The following LGSN variants were observed in gnomAD, a reference collection of about 807,000 sequenced individuals.
LGSN encodes lengsin, lens protein with glutamine synthetase domain, also known as lengsin.
A neutral mutation model predicts 19.5 loss-of-function variants in LGSN; 21 were observed. The observed-to-expected ratio is 1.07, with a 90% CI of 0.76 to 1.55. The LOEUF is 1.55. Ranked by LOEUF, LGSN falls within the 40% of genes most tolerant of loss-of-function variation. The probability of loss-of-function intolerance (pLI) is 0.00; values close to 1 mark genes in which losing one functional copy is unlikely to be tolerated. For missense variants in LGSN, 673 were observed against 608.5 expected (o/e 1.11, Z -1.12); for synonymous variants, 257 against 215.6 (o/e 1.19, Z -1.68).
the LGSN span, among the ~76,000 whole-genome samples, chr6:63,527,594 T>C: frequency 6.6e-6 from 1 of 152,208 alleles, no homozygotes; most frequent in Non-Finnish European, 1.5e-5. Flanking sequence ...TCCCATACAT[T>C]AACTATTTAA....
chr6:63,383,895 G>A, the LGSN span, among the ~76,000 whole-genome samples: 1 of 152,082 alleles, frequency 6.6e-6, no homozygotes, highest in Non-Finnish European at 1.5e-5. Flanking sequence ...TATTTATTGA[G>A]CCACCCTTTC....
upstream of LGSN, among the ~76,000 whole-genome samples, chr6:63,323,248 C>A (rs527622516): frequency 6.6e-6 from 1 of 152,156 alleles, no homozygotes; most frequent in East Asian, 1.9e-4. Flanking sequence ...GAATACATTT[C>A]TTTTTATTTG....
the LGSN span, among the ~76,000 whole-genome samples, chr6:63,380,004 A>C: frequency 6.6e-6 from 1 of 151,806 alleles, no homozygotes; most frequent in African/African-American, 2.4e-5. Context: ...CACCCAGCTA[A>C]TTTTTTGTAT....
At chr6:63,286,636 T>C (rs956096694) in intron 2 of LGSN, among the ~76,000 whole-genome samples, 1 of 152,166 alleles carries the variant, frequency 6.6e-6, no homozygotes, top group African/African-American at 2.4e-5. Flanking sequence ...ACAAATTAAA[T>C]TAATATGTCT....
chr6:63,410,307 C>T, the LGSN span, among the ~76,000 whole-genome samples: 2 of 151,978 alleles, frequency 1.3e-5, no homozygotes, highest in Non-Finnish European at 1.5e-5. Flanking sequence ...ACATATTAGT[C>T]AAAATGTTTT....
chr6:63,487,325 T>C, the LGSN span, among the ~76,000 whole-genome samples: 26 of 152,304 alleles, frequency 1.7e-4, no homozygotes, highest in African/African-American at 4.6e-4. Flanking sequence ...GAAAGAGATA[T>C]TATCTTTATC....
At chr6:63,360,068 C>T in the LGSN span, among the ~76,000 whole-genome samples, 25 of 152,096 alleles carry the variant, frequency 1.6e-4, no homozygotes, top group Middle Eastern at 3.2e-3. Flanking sequence ...GTGAGTAACC[C>T]GACCTTTCTC....
At chr6:63,508,426 AT>A in the LGSN span, among the ~76,000 whole-genome samples, 1 of 152,222 alleles carries the variant, frequency 6.6e-6, no homozygotes, top group African/African-American at 2.4e-5. Flanking sequence ...CCACCAAAAA[AT>A]AAGCTAAAAA....
chr6:63,352,706 G>C, the LGSN span, among the ~76,000 whole-genome samples: 3,649 of 148,610 alleles, frequency 0.025, 151 homozygotes, highest in African/African-American at 0.087. Flanking sequence ...CACACACACA[G>C]ACACACAGTT....
chr6:63,554,372 C>A, the LGSN span, among the ~76,000 whole-genome samples: 1 of 152,182 alleles, frequency 6.6e-6, no homozygotes, highest in African/African-American at 2.4e-5. Flanking sequence ...TATACACTTT[C>A]TTCTAGACTG....
chr6:63,362,982 C>T, the LGSN span, among the ~76,000 whole-genome samples: 29 of 152,154 alleles, frequency 1.9e-4, no homozygotes, highest in Admixed American at 7.9e-4. Flanking sequence ...GCCAGGTGCC[C>T]CTCTGAGACG....
the LGSN span, among the ~76,000 whole-genome samples, chr6:63,499,877 T>C: frequency 1.3e-5 from 2 of 151,942 alleles, no homozygotes; most frequent in African/African-American, 2.4e-5. Flanking sequence ...AGTCTAGGAG[T>C]AGAAACCAAA....
the LGSN span, among the ~76,000 whole-genome samples, chr6:63,387,336 A>C: frequency 1.3e-5 from 2 of 152,250 alleles, no homozygotes; most frequent in Admixed American, 6.5e-5. Flanking sequence ...ATAACGATGC[A>C]TTTTTTCTTG....
the LGSN span, among the ~76,000 whole-genome samples, chr6:63,373,786 A>G: frequency 2.2e-4 from 33 of 152,192 alleles, no homozygotes; most frequent in Middle Eastern, 6.8e-3. Flanking sequence ...CAGCCTGGCC[A>G]ATGTGGCGAA....
chr6:63,359,720 C>A, the LGSN span, among the ~76,000 whole-genome samples: 1 of 152,082 alleles, frequency 6.6e-6, no homozygotes, highest in Non-Finnish European at 1.5e-5. Context: ...TGATTCTTCT[C>A]TCTTTTCTTC....
At chr6:63,376,498 T>A in the LGSN span, among the ~76,000 whole-genome samples, 1 of 152,136 alleles carries the variant, frequency 6.6e-6, no homozygotes, top group African/African-American at 2.4e-5. Context: ...TCTAGAAAAA[T>A]CACTATGCTC....
rs1767922212 is a variant in LGSN, at chr6:63,294,961, A to G, written c.115T>C (p.Tyr39His). The stretch of plus-strand genomic sequence containing the variant: ...TCTCCCACTTCAGTTGAACAAACAT[A>G]TGGTTTAGTGACTTTCTTCCTTGTC... ...RRTRKKVTKP[Y>H]VCSTEVGETD... Residue 39 changes from tyrosine to histidine, a missense_variant, in exon 2 of 4, where the codon TAT becomes CAT. Tyr to His is a moderately conservative substitution (Grantham distance 83). Transcript: ENST00000370657. 1.2e-6 allele frequency: 2 copies of G among 1,613,802 alleles called. No homozygotes were observed. The highest frequency in any genetic ancestry group is 1.7e-6 in the Non-Finnish European group (2 of 1,179,780).
chr6:63,444,141 C>T, the LGSN span, among the ~76,000 whole-genome samples: 1 of 152,034 alleles, frequency 6.6e-6, no homozygotes, highest in Non-Finnish European at 1.5e-5. Context: ...CTTTATTATG[C>T]ACCAGGCACT....
chr6:63,435,726 T>C, the LGSN span, among the ~76,000 whole-genome samples: 1 of 152,156 alleles, frequency 6.6e-6, no homozygotes, highest in Non-Finnish European at 1.5e-5. Flanking sequence ...GAAATTAATT[T>C]AGTGGGTCGC....
Sources: gnomAD v4.1 joint callset for allele counts (sites outside exome capture counted in the v4.1 genomes callset) on GRCh38, gnomAD v4.1.1 for gene constraint, MANE v1.5 for transcripts, NCBI Gene and HGNC (gene_info 2026-07-23, HGNC 2026-07-21) for gene names.